FHIT: variants seen among roughly 807,000 people sequenced by gnomAD.
FHIT encodes fragile histidine triad diadenosine triphosphatase.
Under a neutral mutation model 17.9 loss-of-function variants are expected in FHIT, and 19 were observed. The observed-to-expected ratio is 1.06, with a 90% CI of 0.74 to 1.56. FHIT has a LOEUF of 1.56. Among genes scored for constraint, FHIT ranks in the 40% most tolerant of loss-of-function variants. The probability of loss-of-function intolerance (pLI) is 0.00; values close to 1 mark genes in which losing one functional copy is unlikely to be tolerated. For missense variants in FHIT, 248 were observed against 189.2 expected (o/e 1.31, Z -1.82); for synonymous variants, 81 against 69.7 (o/e 1.16, Z -0.81).
intron 5 of FHIT, among the ~76,000 whole-genome samples, chr3:60,209,820 AAACT>A (rs1703366923): frequency 6.6e-6 from 1 of 152,138 alleles, no homozygotes; most frequent in African/African-American, 2.4e-5. Context: ...CATCCTCAGC[AAACT>A]AACACAGGAA....
intron 3 of FHIT, among the ~76,000 whole-genome samples, chr3:60,981,443 T>A (rs1418947830): frequency 6.6e-6 from 1 of 152,002 alleles, no homozygotes; most frequent in Non-Finnish European, 1.5e-5. Context: ...TAGCTGGGAC[T>A]ACAGGTGCAC....
At chr3:60,130,784 G>GTGTGTATATACACACATATGTGTGT (rs148356992) in intron 5 of FHIT, among the ~76,000 whole-genome samples, 63 of 111,720 alleles carry the variant, frequency 5.6e-4, no homozygotes, top group African/African-American at 1.7e-3. Flanking sequence ...GTGTGTGTGT[G>GTGTGTATATACACACATATGTGTGT]GTGTGTATAT....
intron 8 of FHIT, among the ~76,000 whole-genome samples, chr3:59,816,634 T>C (rs1028935177): frequency 6.6e-6 from 1 of 152,018 alleles, no homozygotes; most frequent in South Asian, 2.1e-4. Flanking sequence ...CAATAGAAGG[T>C]AGGAGCAGAG....
chr3:60,499,636 C>A (rs1420739450), intron 5 of FHIT, among the ~76,000 whole-genome samples: 2 of 151,744 alleles, frequency 1.3e-5, no homozygotes, highest in Non-Finnish European at 2.9e-5. Flanking sequence ...GCCTCGGCCT[C>A]CCAAAGTCCT....
At chr3:60,118,970 G>A (rs1705118954) in intron 5 of FHIT, among the ~76,000 whole-genome samples, 1 of 151,018 alleles carries the variant, frequency 6.6e-6, no homozygotes, top group South Asian at 2.1e-4. Flanking sequence ...GCAGTGAGCT[G>A]AGATGCTGCC....
At chr3:60,739,723 A>C (rs559311552) in intron 4 of FHIT, among the ~76,000 whole-genome samples, 3 of 152,316 alleles carry the variant, frequency 2.0e-5, no homozygotes, top group Admixed American at 1.3e-4. Flanking sequence ...AATTATTCCC[A>C]GTTGAGAATC....
Position 60,248,386 on chromosome 3 carries a change from G to C in FHIT, c.104-234234C>G, listed in dbSNP as rs529360286. On this transcript the variant is annotated intron_variant, in intron 5 of 9. Coordinates refer to ENST00000492590, the MANE Select transcript of FHIT (RefSeq NM_002012.4). ...ATAAGAAGCATTTACCTTGCTAGAG[G>C]AATGCTAGCCTGCATTTAATTGTAT... is the stretch of plus-strand genomic sequence containing the variant. Among the ~76,000 whole-genome samples the C allele has an allele frequency of 2.6e-5, 4 of 152,254 alleles. No individual in the cohort carries two copies. The East Asian group carries it at 7.7e-4, about 29-fold the overall frequency.
chr3:61,210,955 C>T lies in FHIT; in HGVS notation c.-212-10290G>A, dbSNP rs141833879. Among the ~76,000 whole-genome samples the T allele has an allele frequency of 3.1e-3, 465 of 152,078 alleles. 2 individuals carry two copies. Among genetic ancestry groups the T allele is most frequent in the African/African-American group, 0.01 (422 of 41,508 alleles). On this transcript the variant is annotated intron_variant, in intron 1 of 9. Coordinates refer to ENST00000492590, the MANE Select transcript of FHIT (RefSeq NM_002012.4). ...ATTCGGTCATCTTGGCTCCATCCCC[C>T]GTTTTTTATTGACATATAACAAATT...
intron 4 of FHIT, among the ~76,000 whole-genome samples, chr3:60,678,395 G>T (rs1226740683): frequency 6.6e-6 from 1 of 152,096 alleles, no homozygotes; most frequent in African/African-American, 2.4e-5. Context: ...GCAACTGCAT[G>T]TTATTATAGA....
At chr3:60,283,502 T>C (rs192322943) in intron 5 of FHIT, among the ~76,000 whole-genome samples, 1 of 152,288 alleles carries the variant, frequency 6.6e-6, no homozygotes, top group Admixed American at 6.5e-5. Flanking sequence ...CACCATTATC[T>C]AATTCCAGGA....
intron 3 of FHIT, among the ~76,000 whole-genome samples, chr3:60,921,461 T>C (rs1352460816): frequency 6.6e-6 from 1 of 152,212 alleles, no homozygotes; most frequent in African/African-American, 2.4e-5. Flanking sequence ...GGCAATAAAA[T>C]ACTTTTAATT....
At chr3:60,413,418 A>G (rs969621353) in intron 5 of FHIT, among the ~76,000 whole-genome samples, 1 of 152,180 alleles carries the variant, frequency 6.6e-6, no homozygotes, top group Admixed American at 6.5e-5. Flanking sequence ...TAACAATGAA[A>G]GTAGCTCAGA....
intron 2 of FHIT, among the ~76,000 whole-genome samples, chr3:61,140,927 G>A (rs1194983640): frequency 2.0e-5 from 3 of 152,206 alleles, no homozygotes; most frequent in Admixed American, 6.5e-5. Context: ...ACGGAATCTG[G>A]TTCACAGTCC....
chr3:59,998,513 G>A (rs920416158), intron 7 of FHIT, among the ~76,000 whole-genome samples: 2 of 152,084 alleles, frequency 1.3e-5, no homozygotes, highest in East Asian at 1.9e-4. Context: ...GGAGGACCTC[G>A]TGTTCTTTAG....
chr3:60,356,036 G>A (rs373600957), intron 5 of FHIT, among the ~76,000 whole-genome samples: 1 of 152,140 alleles, frequency 6.6e-6, no homozygotes, highest in Admixed American at 6.5e-5. Flanking sequence ...CTGGCACTGT[G>A]CCATGAAAGA....
At chr3:60,328,731 T>C (rs533840595) in intron 5 of FHIT, among the ~76,000 whole-genome samples, 6 of 152,180 alleles carry the variant, frequency 3.9e-5, no homozygotes, top group African/African-American at 7.2e-5. Context: ...AATAATAAGA[T>C]TGTGCCCCAC....
At chr3:61,144,991 T>C (rs901843369) in intron 2 of FHIT, among the ~76,000 whole-genome samples, 3 of 152,198 alleles carry the variant, frequency 2.0e-5, no homozygotes, top group African/African-American at 4.8e-5. Context: ...TTTGGGTATA[T>C]CTTTTTACTT....
chr3:59,958,399 C>G (rs1707507488), intron 7 of FHIT, among the ~76,000 whole-genome samples: 1 of 152,136 alleles, frequency 6.6e-6, no homozygotes, highest in Admixed American at 6.5e-5. Flanking sequence ...ACAATGAGGT[C>G]TCACTCAAAT....
chr3:60,672,874 C>CATGTGTGTGTGTGTGTGTGTGT lies in FHIT; in HGVS notation c.-17-135896_-17-135895insACACACACACACACACACACAT, dbSNP rs71092628. Among the ~76,000 whole-genome samples, 718 of 139,512 alleles carry CATGTGTGTGTGTGTGTGTGTGT rather than the reference C, an allele frequency of 5.1e-3. 10 individuals carry two copies. The highest frequency in any genetic ancestry group is 7.5e-3 in the Middle Eastern group (2 of 268). 91.5% of individuals were successfully genotyped at this position (139,512 alleles called of 152,430 possible). ...GGTTTTTAATTATACCTCTTTGTAG[C>CATGTGTGTGTGTGTGTGTGTGT]GTGTGTGTGTGTGTGTGTGTGTGTG... On this transcript the variant is annotated intron_variant, in intron 4 of 9. Coordinates refer to ENST00000492590, the MANE Select transcript of FHIT (RefSeq NM_002012.4).
Sources: allele counts gnomAD v4.1 joint callset (sites outside exome capture counted in the v4.1 genomes callset), GRCh38; gene constraint gnomAD v4.1.1; transcripts MANE v1.5; gene names NCBI Gene and HGNC (gene_info 2026-07-23, HGNC 2026-07-21).